The following AKNA variants were observed in gnomAD, a reference collection of about 807,000 sequenced individuals.
AKNA encodes the protein microtubule organization protein AKNA.
A neutral mutation model predicts 138.8 loss-of-function variants in AKNA; 67 were observed. The observed-to-expected ratio is 0.48, with a 90% CI of 0.40 to 0.59. The LOEUF (loss-of-function observed/expected upper bound fraction) is 0.59, where lower values mean the gene tolerates loss of function less well. Among genes scored for constraint, AKNA ranks in the 20% least tolerant of loss-of-function variants. The pLI, the probability that AKNA is intolerant of heterozygous loss-of-function variation, is 0.00. For synonymous variants in AKNA, 737 were observed against 754.4 expected, an observed-to-expected ratio of 0.98 and a Z score of 0.38; for missense variants, 1,813 against 1,880.4, an observed-to-expected ratio of 0.96 and a Z score of 0.66.
At chr9:114,343,590 C>A in intron 19 of AKNA, 118 bp downstream of exon 19, 1 of 1,034,376 alleles carries the variant, frequency 9.7e-7, no homozygotes, top group South Asian at 1.4e-5. Context: ...CCTGGTCTGT[C>A]CCTATAACCC....
intron 15 of AKNA, chr9:114,349,108 C>T (rs1199435467): frequency 5.3e-6 from 2 of 379,156 alleles, no homozygotes; most frequent in East Asian, 7.4e-5. Flanking sequence ...GCGGTGGCTA[C>T]TGGAGAGTGA....
intron 14 of AKNA, among the ~76,000 whole-genome samples, chr9:114,352,337 C>A (rs956225994): frequency 6.6e-6 from 1 of 152,234 alleles, no homozygotes; most frequent in Admixed American, 6.5e-5. Context: ...GCGGCTCACA[C>A]CTATAATCCC....
intron 4 of AKNA, 50 bp from the exon 5 acceptor site, chr9:114,368,645 C>A (rs763741315): frequency 1.5e-6 from 2 of 1,305,492 alleles, no homozygotes; most frequent in Non-Finnish European, 2.0e-6. Context: ...AGGGGCAAAC[C>A]CACCTGAAAC....
At chr9:114,331,812 T>C (rs766123166), downstream of AKNA, 3 of 1,612,268 alleles carry the variant, frequency 1.9e-6, no homozygotes, top group Admixed American at 5.0e-5. Context: ...TCAGTCTCCT[T>C]GCTCCCCCTG....
chr9:114,379,712 A>G (rs1833500888), intron 2 of AKNA, among the ~76,000 whole-genome samples: 1 of 152,226 alleles, frequency 6.6e-6, no homozygotes. Context: ...CTCATTTTAT[A>G]GATGGAAAAA....
chr9:114,359,203 G>A (rs7871080), intron 11 of AKNA: 2,472 of 206,240 alleles, frequency 0.012, 65 homozygotes, highest in African/African-American at 0.058. Flanking sequence ...CAAATAGCTA[G>A]GGCTATAGGC....
chr9:114,349,397 A>G (rs1830943365), intron 15 of AKNA, among the ~76,000 whole-genome samples: 1 of 152,074 alleles, frequency 6.6e-6, no homozygotes, highest in African/African-American at 2.4e-5. Flanking sequence ...TTCCCTGAAC[A>G]TCCCTGAAGT....
intron 5 of AKNA, among the ~76,000 whole-genome samples, chr9:114,367,930 C>T (rs979062247): frequency 5.3e-5 from 8 of 152,254 alleles, no homozygotes; most frequent in Non-Finnish European, 8.8e-5. Flanking sequence ...AGCAGAGCTA[C>T]GCTAGGCCTC....
chr9:114,358,260 A>G, intron 11 of AKNA, 93 bp from the exon 12 acceptor site: 1 of 1,547,474 alleles, frequency 6.5e-7, no homozygotes, highest in Non-Finnish European at 8.8e-7. Flanking sequence ...CCCAGGGCAC[A>G]AGCTCTGGAG....
In AKNA at chr9:114,352,540, T is replaced by C. The variant is rs561611931; in HGVS notation, c.3059-1519A>G. Among the ~76,000 whole-genome samples, 8 of 151,988 alleles carry C rather than the reference T, an allele frequency of 5.3e-5. No individual in the cohort carries two copies. The East Asian group carries it at 1.4e-3, about 26-fold the overall frequency. On this transcript the variant is annotated intron_variant, in intron 14 of 21. Transcript: ENST00000374088. ...TGAACCTGAGTGGTGGAGGTTGCAG[T>C]GAGCTGAGATCGTACCACTACATAC...
At chr9:114,359,073 CTTTTTT>C (rs11296673) in intron 11 of AKNA, 1 of 146,022 alleles carries the variant, frequency 6.8e-6, no homozygotes, top group African/African-American at 2.5e-5. Flanking sequence ...ATTCTTTTTT[CTTTTTT>C]TTTTTTTGAG....
chr9:114,330,762 GT>G, downstream of AKNA: 1 of 1,611,430 alleles, frequency 6.2e-7, no homozygotes, highest in Non-Finnish European at 8.5e-7. Context: ...TAACATTACT[GT>G]TTTTCTTCCG....
chr9:114,372,581 C>T (rs186037651), intron 4 of AKNA, among the ~76,000 whole-genome samples: 32 of 152,268 alleles, frequency 2.1e-4, no homozygotes, highest in Middle Eastern at 6.8e-3. Context: ...AGGGTGCAGA[C>T]GCTCCACGCC....
downstream of AKNA, chr9:114,331,963 T>G (rs374899553): frequency 1.1e-5 from 17 of 1,591,886 alleles, no homozygotes; most frequent in Non-Finnish European, 1.4e-5. Flanking sequence ...GCCCACCTTG[T>G]CCATGGCCCA....
upstream of AKNA, among the ~76,000 whole-genome samples, chr9:114,396,433 C>T (rs1014513389): frequency 6.6e-6 from 1 of 152,158 alleles, no homozygotes. Flanking sequence ...GTAATCCCAG[C>T]ACTTCAGGAG....
intron 21 of AKNA, among the ~76,000 whole-genome samples, chr9:114,339,230 C>T (rs1396008744): frequency 6.6e-6 from 1 of 152,130 alleles, no homozygotes; most frequent in East Asian, 1.9e-4. Context: ...TGAAAAAGTC[C>T]CTCTGGGCTG....
chr9:114,343,664 C>T (rs781005872), intron 19 of AKNA, 44 bp downstream of exon 19: 55 of 1,590,526 alleles, frequency 3.5e-5, no homozygotes, highest in Admixed American at 5.0e-5. Flanking sequence ...CAAGAAGCTG[C>T]AGCCACAGCT....
In AKNA at chr9:114,337,022, C is replaced by T; in HGVS notation, c.*32G>A. ...GCCTGGCAGGCCACCTGCCCACCCA[C>T]CCACCCATCTGCCTCTGGGCCCCCA... is the stretch of plus-strand genomic sequence containing the variant. On this transcript the variant is annotated 3_prime_UTR_variant, in exon 22 of 22. Transcript: ENST00000374088. 3.1e-5 allele frequency: 7 copies of T among 229,316 alleles called. No individual in the cohort carries two copies. The highest frequency in any genetic ancestry group is 6.3e-5 in the Non-Finnish European group (7 of 111,536). 14.2% of individuals were successfully genotyped at this position (229,316 alleles called of 1,614,324 possible).
chr9:114,377,471 G>C lies in AKNA; in HGVS notation c.336C>G (p.Pro112=), dbSNP rs770940981. 8.7e-6 allele frequency: 14 copies of C among 1,613,276 alleles called. No individual in the cohort carries two copies. The highest frequency in any genetic ancestry group is 1.2e-5 in the Non-Finnish European group (14 of 1,179,792). The change falls in exon 3 of 22, where the codon CCC becomes CCG. Residue 112 remains proline (P), a synonymous_variant. Transcript: ENST00000374088. ...ASSHEPLAWL[P]QQGRQLDMTE... Reference sequence around the variant, plus strand: ...TCATGTCCAGCTGACGGCCCTGCTGGGGGAGCCAGGCAAGAGGCTCATGGG... The same window carrying C: ...TCATGTCCAGCTGACGGCCCTGCTGCGGGAGCCAGGCAAGAGGCTCATGGG...
Sources: allele counts gnomAD v4.1 joint callset (sites outside exome capture counted in the v4.1 genomes callset), GRCh38; gene constraint gnomAD v4.1.1; transcripts MANE v1.5; gene names NCBI Gene and HGNC (gene_info 2026-07-23, HGNC 2026-07-21).